The following FSTL5 variants were observed in gnomAD, a reference collection of about 807,000 sequenced individuals.
FSTL5 encodes the protein follistatin like 5.
FSTL5 carries 62 observed loss-of-function variants against 89.1 expected under a neutral mutation model. The ratio of observed to expected loss-of-function variants is 0.70; its 90% confidence interval spans 0.57 to 0.86. FSTL5 has a LOEUF of 0.86. Ranked by LOEUF, FSTL5 falls within the 40% of genes least tolerant of loss-of-function variation. FSTL5 has a pLI of 0.00. For missense variants in FSTL5, 1,057 were observed against 1,001.6 expected (o/e 1.06, Z -0.75); for synonymous variants, 383 against 346.2 (o/e 1.11, Z -1.18).
intron 4 of FSTL5, among the ~76,000 whole-genome samples, chr4:161,913,451 C>A (rs997236069): frequency 2.0e-5 from 3 of 152,270 alleles, no homozygotes; most frequent in Non-Finnish European, 2.9e-5. Flanking sequence ...AGGGTAGAAG[C>A]CCCAAGCCCT....
intron 4 of FSTL5, among the ~76,000 whole-genome samples, chr4:161,893,950 A>G (rs922674542): frequency 6.6e-6 from 1 of 152,178 alleles, no homozygotes; most frequent in Non-Finnish European, 1.5e-5. Context: ...ACTTTATTGT[A>G]AGGATTTCCG....
At chr4:162,081,477 T>C (rs913557991) in intron 2 of FSTL5, among the ~76,000 whole-genome samples, 3 of 151,518 alleles carry the variant, frequency 2.0e-5, no homozygotes, top group Non-Finnish European at 4.4e-5. Context: ...AATTAAACAA[T>C]ATATATATAA....
chr4:161,782,437 A>G (rs1741707497), intron 4 of FSTL5, among the ~76,000 whole-genome samples: 1 of 152,144 alleles, frequency 6.6e-6, no homozygotes, highest in Non-Finnish European at 1.5e-5. Context: ...TCATCAGTCT[A>G]ATAATTGTGT....
rs111768601 is a variant in FSTL5 at position 161,391,009 on chromosome 4, C to G, written c.1842-4560G>C. On this transcript the variant is annotated intron_variant, in intron 15 of 15. Transcript: ENST00000306100. ...AGATTTCAAAACAAGCCTTCGCACGCGCATTAATTGTTGCAAATGAAAAGT... is the reference window on the plus strand; with the variant it reads ...AGATTTCAAAACAAGCCTTCGCACGGGCATTAATTGTTGCAAATGAAAAGT... Among the ~76,000 whole-genome samples the G allele has an allele frequency of 4.9e-3, 742 of 152,202 alleles. 4 individuals are homozygous for G. Among genetic ancestry groups the G allele is most frequent in the African/African-American group, 0.016 (678 of 41,542 alleles).
At chr4:161,587,161 C>T (rs1050143323) in intron 8 of FSTL5, among the ~76,000 whole-genome samples, 25 of 151,910 alleles carry the variant, frequency 1.6e-4, no homozygotes, top group Non-Finnish European at 7.4e-5. Flanking sequence ...TTATGCTTGC[C>T]TAATTGTTAA....
At chr4:161,526,261 C>T (rs1341191423) in intron 10 of FSTL5, among the ~76,000 whole-genome samples, 1 of 152,032 alleles carries the variant, frequency 6.6e-6, no homozygotes, top group African/African-American at 2.4e-5. Flanking sequence ...ATTATATTTA[C>T]AAACACAATT....
At chr4:161,591,416 T>G (rs1733817873) in intron 7 of FSTL5, among the ~76,000 whole-genome samples, 2 of 152,310 alleles carry the variant, frequency 1.3e-5, no homozygotes, top group South Asian at 4.1e-4. Flanking sequence ...GCTAATATAC[T>G]AGAAAGCACT....
intron 2 of FSTL5, among the ~76,000 whole-genome samples, chr4:162,044,703 C>A (rs1738106343): frequency 6.6e-6 from 1 of 152,176 alleles, no homozygotes. Flanking sequence ...TAGCCACCTT[C>A]ATTAATTATC....
chr4:161,425,772 A>G (rs1185619499), intron 15 of FSTL5, among the ~76,000 whole-genome samples: 1 of 152,132 alleles, frequency 6.6e-6, no homozygotes, highest in Non-Finnish European at 1.5e-5. Flanking sequence ...CTTGAAACCC[A>G]GTGAGATTAA....
chr4:161,761,247 A>G (rs1264199271), intron 5 of FSTL5, among the ~76,000 whole-genome samples: 2 of 152,226 alleles, frequency 1.3e-5, no homozygotes, highest in African/African-American at 4.8e-5. Context: ...CATCTCTTCT[A>G]TAAGCCTAAT....
At chr4:161,502,272 G>A (rs1378369797) in intron 11 of FSTL5, among the ~76,000 whole-genome samples, 2 of 151,766 alleles carry the variant, frequency 1.3e-5, no homozygotes, top group Non-Finnish European at 2.9e-5. Context: ...TGCACTGGTG[G>A]AATTTGTGAG....
At chr4:162,087,248 T>G (rs942443118) in intron 2 of FSTL5, among the ~76,000 whole-genome samples, 1 of 152,076 alleles carries the variant, frequency 6.6e-6, no homozygotes, top group Non-Finnish European at 1.5e-5. Context: ...TGCAATTTAT[T>G]TGAGTGGGGC....
intron 6 of FSTL5, among the ~76,000 whole-genome samples, chr4:161,704,992 C>T (rs1738521325): frequency 6.6e-6 from 1 of 152,028 alleles, no homozygotes; most frequent in Non-Finnish European, 1.5e-5. Context: ...CTTAAAAAAG[C>T]CTCCTGTGGA....
chr4:161,822,941 A>G (rs1291917248), intron 4 of FSTL5, among the ~76,000 whole-genome samples: 1 of 152,112 alleles, frequency 6.6e-6, no homozygotes, highest in Non-Finnish European at 1.5e-5. Flanking sequence ...GGAGACCTGT[A>G]GTGGGTAGCT....
chr4:161,953,808 G>A (rs1385555490), intron 3 of FSTL5, among the ~76,000 whole-genome samples: 1 of 151,532 alleles, frequency 6.6e-6, no homozygotes. Flanking sequence ...TCTTTTCAAT[G>A]ACTTTCAAAT....
intron 4 of FSTL5, among the ~76,000 whole-genome samples, chr4:161,824,376 T>C (rs1741644991): frequency 6.6e-6 from 1 of 152,250 alleles, no homozygotes; most frequent in African/African-American, 2.4e-5. Context: ...CCTATGTGCC[T>C]ATTTTTATAG....
chr4:161,396,268 T>A (rs1176996508), intron 15 of FSTL5, among the ~76,000 whole-genome samples: 1 of 152,022 alleles, frequency 6.6e-6, no homozygotes, highest in Non-Finnish European at 1.5e-5. Context: ...TATAGATTTC[T>A]ATGGATGATT....
At chr4:161,502,786 G>T (rs546294891) in intron 11 of FSTL5, among the ~76,000 whole-genome samples, 1 of 151,748 alleles carries the variant, frequency 6.6e-6, no homozygotes, top group African/African-American at 2.4e-5. Flanking sequence ...TTGCTGCTTT[G>T]ATATTGTGCA....
intron 4 of FSTL5, among the ~76,000 whole-genome samples, chr4:161,870,371 CAAAG>C (rs1041073978): frequency 5.3e-5 from 8 of 151,060 alleles, no homozygotes; most frequent in African/African-American, 1.7e-4. Context: ...CACACACACA[CAAAG>C]AGAGAGCGAG....
Sources: gnomAD v4.1 joint callset for allele counts (sites outside exome capture counted in the v4.1 genomes callset) on GRCh38, gnomAD v4.1.1 for gene constraint, MANE v1.5 for transcripts, NCBI Gene and HGNC (gene_info 2026-07-23, HGNC 2026-07-21) for gene names.